The following NRG1 variants were observed in gnomAD, a reference collection of about 807,000 sequenced individuals.
The protein encoded by NRG1 is neuregulin 1, also known as pro-neuregulin-1, membrane-bound isoform.
A neutral mutation model predicts 63.8 loss-of-function variants in NRG1; 18 were observed. The ratio of observed to expected loss-of-function variants is 0.28; its 90% CI spans 0.19 to 0.42. The LOEUF (loss-of-function observed/expected upper bound fraction) is 0.42. Ranked by LOEUF, NRG1 falls within the 10% of genes least tolerant of loss-of-function variation. The pLI is 1.00. For missense variants in NRG1, 762 were observed against 814.7 expected, an observed-to-expected ratio of 0.94 and a Z score of 0.79; for synonymous variants, 302 against 301.3, an observed-to-expected ratio of 1.00 and a Z score of -0.02.
At chr8:32,496,609 T>TAAAAG (rs1358908720) in intron 1 of NRG1, among the ~76,000 whole-genome samples, 1 of 151,062 alleles carries the variant, frequency 6.6e-6, no homozygotes, top group Non-Finnish European at 1.5e-5. Flanking sequence ...TAAAATAAAA[T>TAAAAG]TAGAAAGGAT....
At chr8:31,761,117 C>A (rs2131515545) in intron 1 of NRG1, among the ~76,000 whole-genome samples, 1 of 152,246 alleles carries the variant, frequency 6.6e-6, no homozygotes, top group South Asian at 2.1e-4. Flanking sequence ...GAATACTATG[C>A]AGCCATAAAA....
intron 1 of NRG1, among the ~76,000 whole-genome samples, chr8:31,761,374 G>A (rs1439616015): frequency 6.6e-6 from 1 of 151,992 alleles, no homozygotes; most frequent in Non-Finnish European, 1.5e-5. Flanking sequence ...AATGGGTGCA[G>A]CACACCAACA....
chr8:32,347,423 G>A (rs1039313799), intron 1 of NRG1, among the ~76,000 whole-genome samples: 2 of 152,110 alleles, frequency 1.3e-5, no homozygotes, highest in Non-Finnish European at 2.9e-5. Context: ...CTTCCCAGGT[G>A]CCAAATAGTC....
chr8:31,704,724 C>T (rs960167668), intron 1 of NRG1, among the ~76,000 whole-genome samples: 3 of 149,866 alleles, frequency 2.0e-5, no homozygotes, highest in Non-Finnish European at 3.0e-5. Flanking sequence ...CCCAGCTACT[C>T]GGGAGGCTGA....
intron 1 of NRG1, among the ~76,000 whole-genome samples, chr8:32,177,584 C>T (rs2132072628): frequency 6.6e-6 from 1 of 151,968 alleles, no homozygotes; most frequent in Non-Finnish European, 1.5e-5. Context: ...TAATGTTCCC[C>T]TCGCTGTGTC....
intron 1 of NRG1, among the ~76,000 whole-genome samples, chr8:31,704,559 G>T (rs112531431): frequency 6.6e-6 from 1 of 152,044 alleles, no homozygotes; most frequent in African/African-American, 2.4e-5. Flanking sequence ...AGGGCTGGGC[G>T]CGGTGGCTCA....
chr8:31,687,723 A>G (rs1265859881), intron 1 of NRG1, among the ~76,000 whole-genome samples: 1 of 152,258 alleles, frequency 6.6e-6, no homozygotes. Context: ...AGACAGATGG[A>G]AGAGTCAAGG....
At chr8:31,784,472 G>C (rs17602564) in intron 1 of NRG1, among the ~76,000 whole-genome samples, 23,287 of 152,172 alleles carry the variant, frequency 0.15, 1,939 homozygotes, top group Admixed American at 0.21. Flanking sequence ...TGTCCCTAAT[G>C]CTCAATCTGT....
At chr8:32,565,344 A>G (rs1292874633) in intron 1 of NRG1, among the ~76,000 whole-genome samples, 1 of 152,078 alleles carries the variant, frequency 6.6e-6, no homozygotes, top group East Asian at 1.9e-4. Flanking sequence ...GCTGCTCTCA[A>G]ACTCCTGACC....
At chr8:32,646,958 G>C in intron 5 of NRG1, 1 of 984,872 alleles carries the variant, frequency 1.0e-6, no homozygotes, top group Non-Finnish European at 1.2e-6. Flanking sequence ...GGGAAAGAAA[G>C]AGAAAGAGAC....
intron 1 of NRG1, among the ~76,000 whole-genome samples, chr8:32,471,628 T>C (rs1823862241): frequency 6.6e-6 from 1 of 152,034 alleles, no homozygotes; most frequent in Non-Finnish European, 1.5e-5. Flanking sequence ...TTTTTTAAGG[T>C]GAAAAAAATC....
intron 1 of NRG1, among the ~76,000 whole-genome samples, chr8:32,032,338 A>G (rs1818385699): frequency 6.6e-6 from 1 of 151,898 alleles, no homozygotes; most frequent in East Asian, 1.9e-4. Flanking sequence ...ATCTTAGCTC[A>G]CCGCAATCTC....
chr8:32,518,471 A>G (rs1284532326), intron 1 of NRG1, among the ~76,000 whole-genome samples: 1 of 152,178 alleles, frequency 6.6e-6, no homozygotes, highest in Non-Finnish European at 1.5e-5. Context: ...GAATGTGAAT[A>G]GGAATGAGGC....
rs1814305708 is a variant in NRG1, at chr8:32,009,139, G to T, written c.37+369708G>T. ...GATGATAAATGCAATCTACCTGTAA[G>T]ATTCTTGAGAAATTTGTGTTGTATA... is the stretch of plus-strand genomic sequence containing the variant. On this transcript the variant is annotated intron_variant, in intron 1 of 10. Transcript: ENST00000519301. Among the ~76,000 whole-genome samples the T allele has an allele frequency of 2.0e-5, 3 of 152,034 alleles. 1 individual carries two copies. The South Asian group carries it at 6.2e-4, about 31-fold the overall frequency.
At position 31,908,416 on chromosome 8, in the gene NRG1, G is replaced by A. The variant is rs552564567; in HGVS notation, c.37+268985G>A. Among the ~76,000 whole-genome samples the A allele has an allele frequency of 3.5e-4, 53 of 152,288 alleles. No homozygotes were observed. The South Asian group carries it at 8.5e-3, about 24-fold the overall frequency. ...AATCTTGTTAGGGCTCCATTTGTATGGAGAGGTAACACTCACTGGTGGCAG... is the reference window on the plus strand; with the variant it reads ...AATCTTGTTAGGGCTCCATTTGTATAGAGAGGTAACACTCACTGGTGGCAG... On this transcript the variant is annotated intron_variant, in intron 1 of 10. Transcript: ENST00000519301.
At chr8:32,441,162 G>C (rs528936112) in intron 1 of NRG1, 11 of 152,134 alleles carry the variant, frequency 7.2e-5, no homozygotes, top group Non-Finnish European at 1.3e-4. Context: ...CAGAGATTAA[G>C]AGAATAGTTA....
At chr8:32,198,126 G>A (rs940379024) in intron 1 of NRG1, among the ~76,000 whole-genome samples, 2 of 152,196 alleles carry the variant, frequency 1.3e-5, no homozygotes, top group Non-Finnish European at 2.9e-5. Context: ...ACCATTGCTT[G>A]ATCATCCTGT....
At chr8:32,668,212 C>CAA (rs35142176) in intron 5 of NRG1, among the ~76,000 whole-genome samples, 2 of 141,754 alleles carry the variant, frequency 1.4e-5, no homozygotes, top group Non-Finnish European at 1.5e-5. Flanking sequence ...GACTCCATCT[C>CAA]AAAAAAAAAA....
At chr8:32,763,812 C>A in exon 12 of NRG1, 1 of 1,602,564 alleles carries the variant, frequency 6.2e-7, no homozygotes, top group African/African-American at 1.3e-5. Context: ...GCCAAGCTCC[C>A]CCAAATCGCC....
Sources: gnomAD v4.1 joint callset for allele counts (sites outside exome capture counted in the v4.1 genomes callset) on GRCh38, gnomAD v4.1.1 for gene constraint, MANE v1.5 for transcripts, NCBI Gene and HGNC (gene_info 2026-07-23, HGNC 2026-07-21) for gene names.